The following RBFOX1 variants were observed in gnomAD, a reference collection of about 807,000 sequenced individuals.
The protein encoded by RBFOX1 is RNA binding protein fox-1 homolog 1.
In RBFOX1, 8 loss-of-function variants were observed where a neutral mutation model predicts 57.7. The observed-to-expected ratio is 0.14, with a 90% CI of 0.08 to 0.25. The LOEUF (loss-of-function observed/expected upper bound fraction) is 0.25. Among genes scored for constraint, RBFOX1 ranks in the 10% least tolerant of loss-of-function variants. The pLI is 1.00. For missense variants in RBFOX1, 611 were observed against 548.5 expected (o/e 1.11, Z -1.14); for synonymous variants, 326 against 222.4 (o/e 1.47, Z -4.15).
intron 3 of RBFOX1, among the ~76,000 whole-genome samples, chr16:6,811,012 G>T (rs1034233266): frequency 1.3e-5 from 2 of 152,166 alleles, no homozygotes; most frequent in African/African-American, 4.8e-5. Flanking sequence ...TTTGGAAATA[G>T]TTACAGAACA....
At chr16:5,362,223 G>A (rs545053293) in intron 1 of RBFOX1, among the ~76,000 whole-genome samples, 26 of 151,566 alleles carry the variant, frequency 1.7e-4, no homozygotes, top group Non-Finnish European at 2.9e-4. Context: ...ATGGAGTCTC[G>A]CTCTGTCCCC....
At chr16:6,915,006 G>T (rs941532205) in intron 3 of RBFOX1, among the ~76,000 whole-genome samples, 1 of 152,224 alleles carries the variant, frequency 6.6e-6, no homozygotes, top group East Asian at 1.9e-4. Context: ...GCAGCAAGCA[G>T]GCCCAGGGTG....
intron 4 of RBFOX1, among the ~76,000 whole-genome samples, chr16:7,137,332 C>T (rs2072311065): frequency 6.6e-6 from 1 of 152,092 alleles, no homozygotes; most frequent in African/African-American, 2.4e-5. Context: ...TCCTGTAATT[C>T]CCACATGTTG....
At chr16:5,304,737 A>T (rs1482364889) in intron 1 of RBFOX1, among the ~76,000 whole-genome samples, 1 of 152,212 alleles carries the variant, frequency 6.6e-6, no homozygotes, top group Non-Finnish European at 1.5e-5. Flanking sequence ...CATCTATCAT[A>T]ACTGGTCATG....
chr16:7,071,413 T>G lies in RBFOX1; in HGVS notation c.27+19315T>G, dbSNP rs190537599. ...GAGAGTATTATTACCCCTCCTAGCC[T>G]CCTAGCTGCAGGAAGTGTGGCAGAT... On this transcript the variant is annotated intron_variant, in intron 4 of 15. Coordinates refer to ENST00000550418, the MANE Select transcript of RBFOX1 (RefSeq NM_018723.4). Among the ~76,000 whole-genome samples, 5 of 152,236 alleles carry G rather than the reference T, an allele frequency of 3.3e-5. No individual in the cohort carries two copies. In the East Asian group the frequency reaches 9.7e-4, roughly 29 times the overall value.
chr16:5,546,041 G>A (rs2046161978), intron 2 of RBFOX1, among the ~76,000 whole-genome samples: 2 of 151,980 alleles, frequency 1.3e-5, no homozygotes, highest in South Asian at 2.1e-4. Context: ...ATAAAGAACT[G>A]AAAATTAAAG....
At chr16:6,038,846 C>G (rs1326415508) in intron 1 of RBFOX1, 1 of 148,850 alleles carries the variant, frequency 6.7e-6, no homozygotes, top group African/African-American at 2.5e-5. Context: ...CCCAGCAATC[C>G]TAATAGAGTT....
intron 1 of RBFOX1, among the ~76,000 whole-genome samples, chr16:6,091,025 C>T (rs1277277163): frequency 6.6e-6 from 1 of 152,216 alleles, no homozygotes. Context: ...ATATTCATCG[C>T]TTTGAACATT....
chr16:6,886,580 A>T (rs1187922833), intron 3 of RBFOX1, among the ~76,000 whole-genome samples: 1 of 151,820 alleles, frequency 6.6e-6, no homozygotes. Context: ...TGGTGAAACC[A>T]TGTCTCTACT....
intron 1 of RBFOX1, among the ~76,000 whole-genome samples, chr16:6,147,671 G>C (rs2096768815): frequency 6.6e-6 from 1 of 152,104 alleles, no homozygotes; most frequent in South Asian, 2.1e-4. Context: ...GGAATGGAAG[G>C]GACATCAGAC....
intron 2 of RBFOX1, among the ~76,000 whole-genome samples, chr16:6,413,939 T>A (rs1361153414): frequency 6.6e-6 from 1 of 152,146 alleles, no homozygotes; most frequent in Admixed American, 6.5e-5. Context: ...GGTGAATGCA[T>A]GTTCTCCAGC....
At chr16:6,845,067 A>G (rs555606535) in intron 3 of RBFOX1, among the ~76,000 whole-genome samples, 9 of 151,822 alleles carry the variant, frequency 5.9e-5, no homozygotes, top group Non-Finnish European at 1.2e-4. Flanking sequence ...TTCCTTGTAC[A>G]CTCTGGATAT....
intron 3 of RBFOX1, among the ~76,000 whole-genome samples, chr16:6,945,749 A>T (rs1319891754): frequency 6.6e-6 from 1 of 152,120 alleles, no homozygotes; most frequent in Non-Finnish European, 1.5e-5. Context: ...AAATTAGCTG[A>T]GGGTGGTGGC....
intron 3 of RBFOX1, among the ~76,000 whole-genome samples, chr16:6,997,274 A>G (rs2092341877): frequency 1.3e-5 from 2 of 152,148 alleles, no homozygotes; most frequent in Non-Finnish European, 2.9e-5. Context: ...TTCTAGTAAA[A>G]AAAAGTCTGC....
chr16:6,680,266 C>T (rs1173131078), intron 3 of RBFOX1, among the ~76,000 whole-genome samples: 2 of 57,876 alleles, frequency 3.5e-5, no homozygotes, highest in African/African-American at 8.5e-5. Flanking sequence ...CTTTGCTTTT[C>T]TCTCTCTCTT....
At chr16:7,630,421 TG>T (rs1458373286) in intron 10 of RBFOX1, among the ~76,000 whole-genome samples, 181 bp from the exon 11 acceptor site, 1 of 144,304 alleles carries the variant, frequency 6.9e-6, no homozygotes, top group Non-Finnish European at 1.5e-5. Flanking sequence ...TTGTGGTGGG[TG>T]GGGGGGCTTC....
intron 2 of RBFOX1, among the ~76,000 whole-genome samples, chr16:5,506,047 A>G (rs971268843): frequency 6.6e-5 from 10 of 152,142 alleles, no homozygotes; most frequent in African/African-American, 2.4e-4. Context: ...TCAGAGTCCT[A>G]GACTCTGAAA....
At chr16:7,303,453 C>A (rs920324781) in intron 4 of RBFOX1, among the ~76,000 whole-genome samples, 2 of 152,236 alleles carry the variant, frequency 1.3e-5, no homozygotes, top group African/African-American at 4.8e-5. Flanking sequence ...GCTGGGCCAT[C>A]GCGCTAATTG....
intron 6 of RBFOX1, 46 bp from the exon 7 acceptor site, chr16:7,587,201 A>T (rs371064414): frequency 6.8e-7 from 1 of 1,476,572 alleles, no homozygotes; most frequent in Non-Finnish European, 9.0e-7. Flanking sequence ...AGTAATGTCT[A>T]CTGCATTTCT....
Sources: gnomAD v4.1 joint callset for allele counts (sites outside exome capture counted in the v4.1 genomes callset) on GRCh38, gnomAD v4.1.1 for gene constraint, MANE v1.5 for transcripts, NCBI Gene and HGNC (gene_info 2026-07-23, HGNC 2026-07-21) for gene names.